Variants in ANK3 observed in about 807,000 individuals in gnomAD.
ANK3 encodes the protein ankyrin 3.
In ANK3, 57 loss-of-function variants were observed where a neutral mutation model predicts 370.9. The observed-to-expected ratio is 0.15, with a 90% confidence interval of 0.12 to 0.19. The LOEUF is 0.19. Among genes scored for constraint, ANK3 ranks in the 10% least tolerant of loss-of-function variants. The pLI, the probability that ANK3 is intolerant of heterozygous loss-of-function variation, is 1.00. For missense variants in ANK3, 4,439 were observed against 5,302.1 expected (o/e 0.84, Z 5.06); for synonymous variants, 1,929 against 1,946.3 (o/e 0.99, Z 0.23).
intron 4 of ANK3, among the ~76,000 whole-genome samples, chr10:60,271,061 A>G (rs192049483): frequency 1.4e-4 from 22 of 152,212 alleles, no homozygotes; most frequent in Admixed American, 1.1e-3. Context: ...TCCTACTAAA[A>G]AAATGTTGTA....
intron 1 of ANK3, among the ~76,000 whole-genome samples, chr10:60,354,197 A>G (rs2057377686): frequency 6.6e-6 from 1 of 152,136 alleles, no homozygotes; most frequent in Non-Finnish European, 1.5e-5. Flanking sequence ...CCTTCCCCCA[A>G]GATGCATGGC....
At position 60,035,238 on chromosome 10, in the gene ANK3, A is replaced by G. The variant is rs113929880; in HGVS notation, c.*20-5412T>C. Among the ~76,000 whole-genome samples the G allele has an allele frequency of 5.6e-3, 856 of 151,780 alleles. 9 individuals carry two copies. Among genetic ancestry groups the G allele is most frequent in the African/African-American group, 0.02 (812 of 41,374 alleles). On this transcript the variant is annotated intron_variant, in intron 43 of 43. Transcript: ENST00000280772. ...AAAAGCTTTGTGGCTCTATTTTCTTATTTATTTTTTAATTAATTTAGTTCT... is the reference window on the plus strand; with the variant it reads ...AAAAGCTTTGTGGCTCTATTTTCTTGTTTATTTTTTAATTAATTTAGTTCT...
rs544327979 is a variant in ANK3, at chr10:60,214,934, C to T, written c.898-1424G>A. ...TGGTTCTAGATTCTTGAGGAATTGT[C>T]ATACTGTGTTCCACAATGATTGAAC... On this transcript the variant is annotated intron_variant, in intron 8 of 43. Coordinates refer to ENST00000280772, the MANE Select transcript of ANK3 (RefSeq NM_020987.5). Among the ~76,000 whole-genome samples the T allele has an allele frequency of 5.9e-5, 9 of 152,304 alleles. No individual in the cohort carries two copies. In the South Asian group the frequency reaches 1.9e-3, roughly 32 times the overall value.
chr10:60,646,965 A>G lies in ANK3; in HGVS notation c.58-31741T>C, dbSNP rs141916759. Among the ~76,000 whole-genome samples the G allele has an allele frequency of 1.9e-3, 286 of 152,312 alleles. 2 individuals are homozygous for G. Among genetic ancestry groups the G allele is most frequent in the African/African-American group, 6.5e-3 (272 of 41,560 alleles). ...AGCATGGTCATTGGGGTATATTTGT[A>G]TATGTTGCATGTGTTTGTGTGTGTG... On this transcript the variant is annotated intron_variant, in intron 1 of 43. Transcript: ENST00000373827.
rs533607880 is a variant in ANK3, at chr10:60,185,073, C to T, written c.2085+1642G>A. On this transcript the variant is annotated intron_variant, in intron 17 of 43. Transcript: ENST00000280772. Reference sequence around the variant, plus strand: ...ATCAAACAAATCTTAACTATAATGACGATTATGAAATTGCTTTTTGATTCC... The same window carrying T: ...ATCAAACAAATCTTAACTATAATGATGATTATGAAATTGCTTTTTGATTCC... Among the ~76,000 whole-genome samples, 19 of 152,076 alleles carry T rather than the reference C, an allele frequency of 1.2e-4. No homozygotes were observed. The East Asian group carries it at 2.3e-3, about 19-fold the overall frequency.
chr10:60,568,845 C>A (rs1348105804), intron 2 of ANK3, among the ~76,000 whole-genome samples: 1 of 152,024 alleles, frequency 6.6e-6, no homozygotes, highest in East Asian at 1.9e-4. Flanking sequence ...GATTGCTGGT[C>A]ATAAAAGAAG....
At chr10:60,159,565 A>G (rs2095441090) in intron 23 of ANK3, among the ~76,000 whole-genome samples, 1 of 152,122 alleles carries the variant, frequency 6.6e-6, no homozygotes, top group Non-Finnish European at 1.5e-5. Flanking sequence ...AGACCAAATG[A>G]CCCTAATAGA....
intron 7 of ANK3, among the ~76,000 whole-genome samples, chr10:60,253,435 A>G (rs952199861): frequency 3.3e-5 from 5 of 152,244 alleles, no homozygotes; most frequent in African/African-American, 1.2e-4. Context: ...ACACGGGAAG[A>G]TGTCAATGAA....
At chr10:60,401,529 G>A (rs572052245) in intron 2 of ANK3, among the ~76,000 whole-genome samples, 1 of 152,198 alleles carries the variant, frequency 6.6e-6, no homozygotes, top group East Asian at 1.9e-4. Flanking sequence ...GTATTTTGTT[G>A]TATATTATCC....
At chr10:60,715,967 A>G (rs1437171921) in intron 1 of ANK3, among the ~76,000 whole-genome samples, 1 of 152,158 alleles carries the variant, frequency 6.6e-6, no homozygotes, top group Non-Finnish European at 1.5e-5. Flanking sequence ...ACACTAGAAA[A>G]TGTGTTTCAA....
intron 1 of ANK3, among the ~76,000 whole-genome samples, chr10:60,366,502 C>T (rs898292725): frequency 2.0e-5 from 3 of 152,108 alleles, no homozygotes; most frequent in African/African-American, 7.2e-5. Flanking sequence ...ACCTTTCTTT[C>T]CTGCTTTCAC....
chr10:60,135,736 A>C (rs1288525870), intron 24 of ANK3, among the ~76,000 whole-genome samples: 1 of 152,214 alleles, frequency 6.6e-6, no homozygotes, highest in African/African-American at 2.4e-5. Context: ...TCTTTGCATG[A>C]AACAATTTCT....
chr10:60,479,595 T>C (rs551756971), intron 2 of ANK3, among the ~76,000 whole-genome samples: 5 of 152,278 alleles, frequency 3.3e-5, no homozygotes, highest in African/African-American at 1.2e-4. Flanking sequence ...CAGAATTATA[T>C]GTCAGCTAAA....
intron 42 of ANK3, among the ~76,000 whole-genome samples, chr10:60,047,034 C>T (rs897718101): frequency 2.6e-5 from 4 of 152,118 alleles, no homozygotes; most frequent in African/African-American, 9.7e-5. Context: ...GTTTTGATCT[C>T]CTGACCTCGT....
At chr10:60,607,756 G>C (rs535157508) in intron 2 of ANK3, among the ~76,000 whole-genome samples, 1 of 152,286 alleles carries the variant, frequency 6.6e-6, no homozygotes, top group Admixed American at 6.5e-5. Context: ...TGCAAATCTA[G>C]CAAATAAAAA....
chr10:60,397,231 A>T (rs747156408), intron 2 of ANK3, among the ~76,000 whole-genome samples: 1 of 151,934 alleles, frequency 6.6e-6, no homozygotes, highest in Non-Finnish European at 1.5e-5. Context: ...ACACTACTCC[A>T]GATGCTATAA....
At position 60,208,145 on chromosome 10, in the gene ANK3, T is replaced by C; in HGVS notation, c.1085A>G (p.Asp362Gly). 6.2e-7 allele frequency: 1 copy of C among 1,614,100 alleles called. No individual in the cohort carries two copies. The highest frequency in any genetic ancestry group is 2.2e-5 in the East Asian group (1 of 44,882). The change falls in exon 10 of 44, where the codon GAT (aspartate) becomes GGT (glycine). Residue 362 changes from aspartate to glycine, a missense_variant. Asp to Gly is a moderately conservative substitution (Grantham distance 94, BLOSUM62 -1). Around this residue, in one of 13 missense-constraint regions of ANK3, gnomAD observed 227 missense variants for 377.6 expected, o/e 0.60. Coordinates refer to ENST00000280772, the MANE Select transcript of ANK3 (RefSeq NM_020987.5). ...GGCAGTCAGGTAGTCATTGGTGACA[T>C]CATCCACGGGTACATTATGCTGGAG... ...LLLQHNVPVD[D>G]VTNDYLTALH...
chr10:60,609,812 T>G (rs998669881), intron 2 of ANK3, among the ~76,000 whole-genome samples: 2 of 152,184 alleles, frequency 1.3e-5, no homozygotes, highest in African/African-American at 4.8e-5. Context: ...AGCCTAACTT[T>G]AGCTTATCTT....
chr10:60,724,007 G>A (rs1247864390), intron 1 of ANK3, among the ~76,000 whole-genome samples: 1 of 144,840 alleles, frequency 6.9e-6, no homozygotes, highest in Non-Finnish European at 1.5e-5. Context: ...TCAGGAAATC[G>A]AGACCATCCT....
Sources: allele counts gnomAD v4.1 joint callset (sites outside exome capture counted in the v4.1 genomes callset), GRCh38; gene constraint gnomAD v4.1.1; regional missense constraint gnomAD v4.1.1; transcripts MANE v1.5; gene names NCBI Gene and HGNC (gene_info 2026-07-23, HGNC 2026-07-21).